PXK: variants seen among roughly 807,000 people sequenced by gnomAD.
The protein encoded by PXK is PX domain containing serine/threonine kinase like.
In PXK, 35 loss-of-function variants were observed where a neutral mutation model predicts 84.7. The ratio of observed to expected loss-of-function variants is 0.41; its 90% CI spans 0.32 to 0.55. The LOEUF (loss-of-function observed/expected upper bound fraction) is 0.55. Ranked by LOEUF, PXK falls within the 20% of genes least tolerant of loss-of-function variation. The pLI, the probability that PXK is intolerant of heterozygous loss-of-function variation, is 0.21. For missense variants in PXK, 634 were observed against 699.7 expected (o/e 0.91, Z 1.06); for synonymous variants, 253 against 260.8 (o/e 0.97, Z 0.29).
chr3:58,370,385 A>G lies in PXK; in HGVS notation c.201+907A>G, dbSNP rs977745906. Reference sequence around the variant, plus strand: ...TTTAGCACCTTAGGAAGTCCTGCCAATACCCGCCATGTCTTCACTTGGCAG... The same window carrying G: ...TTTAGCACCTTAGGAAGTCCTGCCAGTACCCGCCATGTCTTCACTTGGCAG... On this transcript the variant is annotated intron_variant, in intron 3 of 17. Coordinates refer to ENST00000356151, the MANE Select transcript of PXK (RefSeq NM_017771.5). The surrounding 1 kb of genome is among the most constrained non-coding windows in gnomAD (Gnocchi z 4.2). Among the ~76,000 whole-genome samples the G allele has an allele frequency of 4.6e-5, 7 of 152,170 alleles. No homozygotes were observed. The highest frequency in any genetic ancestry group is 3.9e-4 in the East Asian group (2 of 5,192).
Position 58,385,527 on chromosome 3 carries a change from C to T in PXK, c.388+2827C>T, listed in dbSNP as rs1440122254. On this transcript the variant is annotated intron_variant, in intron 4 of 17. Coordinates refer to ENST00000356151, the MANE Select transcript of PXK (RefSeq NM_017771.5). The surrounding 1 kb of genome is among the most constrained non-coding windows in gnomAD (Gnocchi z 5.1). ...CCCTGTTTGTTTTTTGAGCAAGGGT[C>T]TCACTCTGTTGCCCAGGCTGGAGCG... Among the ~76,000 whole-genome samples, 1 of 152,182 alleles carries T rather than the reference C, an allele frequency of 6.6e-6. No individual in the cohort carries two copies. The highest frequency in any genetic ancestry group is 1.5e-5 in the Non-Finnish European group (1 of 68,030).
intron 2 of PXK, among the ~76,000 whole-genome samples, chr3:58,367,496 C>T (rs1182386348): frequency 2.0e-5 from 3 of 152,094 alleles, no homozygotes; most frequent in Admixed American, 1.3e-4. Flanking sequence ...CCGCCTGCCT[C>T]GGCCTCCCAA....
rs1011777425 is a variant in PXK, at chr3:58,397,483, G to A, written c.985-122G>A. ...CAGAAGGCTTTGGAGTTGCATTTAC[G>A]TTACCAATTAGGAACGGGGCTATCC... On this transcript the variant is annotated intron_variant, in intron 10 of 17. Transcript: ENST00000356151. The surrounding 1 kb of genome is among the most constrained non-coding windows in gnomAD (Gnocchi z 4.7). 18 of 906,918 alleles carry A rather than the reference G, an allele frequency of 2.0e-5. No individual in the cohort carries two copies. Among genetic ancestry groups the A allele is most frequent in the Middle Eastern group, 2.8e-4 (1 of 3,544 alleles). 56.2% of individuals were successfully genotyped at this position (906,918 alleles called of 1,614,324 possible).
rs765860309 is a variant in PXK at position 58,385,140 on chromosome 3, A to C, written c.388+2440A>C. ...ATCTCTACTCCCCCTCCCCACCCCC[A>C]GGCCTCCAGCATGGTAGAGAGTCAG... On this transcript the variant is annotated intron_variant, in intron 4 of 17. Transcript: ENST00000356151. The surrounding 1 kb of genome is among the most constrained non-coding windows in gnomAD (Gnocchi z 5.1). Among the ~76,000 whole-genome samples, 2 of 151,976 alleles carry C rather than the reference A, an allele frequency of 1.3e-5. No individual in the cohort carries two copies. The highest frequency in any genetic ancestry group is 1.5e-5 in the Non-Finnish European group (1 of 67,990).
rs528348395 is a variant in PXK at position 58,400,565 on chromosome 3, C to T, written c.1181+1188C>T. Among the ~76,000 whole-genome samples, 1 of 152,194 alleles carries T rather than the reference C, an allele frequency of 6.6e-6. No homozygotes were observed. Among genetic ancestry groups the T allele is most frequent in the Admixed American group, 6.5e-5 (1 of 15,276 alleles). On this transcript the variant is annotated intron_variant, in intron 12 of 17. Transcript: ENST00000356151. The surrounding 1 kb of genome is among the most constrained non-coding windows in gnomAD (Gnocchi z 4.0). ...CCTGCCCCGTGGATGTGACATTCTACTGTTCCACAGACACTGAAGCGTCTG... is the reference window on the plus strand; with the variant it reads ...CCTGCCCCGTGGATGTGACATTCTATTGTTCCACAGACACTGAAGCGTCTG...
At position 58,370,244 on chromosome 3, in the gene PXK, C is replaced by T. The variant is rs985069101; in HGVS notation, c.201+766C>T. Among the ~76,000 whole-genome samples, 7 of 152,084 alleles carry T rather than the reference C, an allele frequency of 4.6e-5. No homozygotes were observed. The highest frequency in any genetic ancestry group is 7.4e-5 in the Non-Finnish European group (5 of 68,026). ...TTATCCTAAATATGTAGTTAGAAAT[C>T]CCTTTGTTTTAAATGTTCCTAACTT... On this transcript the variant is annotated intron_variant, in intron 3 of 17. Transcript: ENST00000356151. This position sits in a 1 kb window ranked among gnomAD's most constrained non-coding sequence, Gnocchi z 4.2.
chr3:58,343,563 G>A (rs1312583376), intron 1 of PXK, among the ~76,000 whole-genome samples: 1 of 152,226 alleles, frequency 6.6e-6, no homozygotes, highest in Non-Finnish European at 1.5e-5. Context: ...GCTGTTGAGG[G>A]TGGACAGGAG....
chr3:58,417,431 C>G (rs1176895537), intron 17 of PXK, among the ~76,000 whole-genome samples: 1 of 152,144 alleles, frequency 6.6e-6, no homozygotes, highest in Non-Finnish European at 1.5e-5. Flanking sequence ...CTTATGAGCC[C>G]TTTCTAGCAA....
rs190310226 is a variant in PXK, at chr3:58,424,567, T to C, written c.1529-185T>C. On this transcript the variant is annotated intron_variant, in intron 17 of 17. Transcript: ENST00000356151. Reference sequence around the variant, plus strand: ...ATTGTTTGAGAAACATGGCAACTTTTAATTCCCCTTTGATGCTTCTAGCTT... The same window carrying C: ...ATTGTTTGAGAAACATGGCAACTTTCAATTCCCCTTTGATGCTTCTAGCTT... Among the ~76,000 whole-genome samples, 8 of 152,342 alleles carry C rather than the reference T, an allele frequency of 5.3e-5. No individual in the cohort carries two copies. In the East Asian group the frequency reaches 1.5e-3, roughly 29 times the overall value.
chr3:58,366,093 T>C (rs1053824628), intron 2 of PXK, among the ~76,000 whole-genome samples, 169 bp downstream of exon 2: 4 of 152,206 alleles, frequency 2.6e-5, no homozygotes, highest in Non-Finnish European at 5.9e-5. Context: ...GATAAGAGTC[T>C]TTCCTGTCCC....
rs1379805123 is a variant in PXK at position 58,370,282 on chromosome 3, G to A, written c.201+804G>A. ...ATGTTCCTAACTTGAGGGCCATAAT[G>A]GGAAGAAGCATGAGCTGGAAGGTCT... is the stretch of plus-strand genomic sequence containing the variant. On this transcript the variant is annotated intron_variant, in intron 3 of 17. Transcript: ENST00000356151. The surrounding 1 kb of genome is among the most constrained non-coding windows in gnomAD (Gnocchi z 4.2). 6.6e-6 allele frequency among the ~76,000 whole-genome samples: 1 copy of A among 152,182 alleles called. No individual in the cohort carries two copies. Among genetic ancestry groups the A allele is most frequent in the Non-Finnish European group, 1.5e-5 (1 of 68,020 alleles).
chr3:58,333,233 C>T lies in PXK; in HGVS notation c.102+143C>T, dbSNP rs2097527313. ...GCGGCCCTGGCCGAGAAGGCTGTGGCGCGCCGCTGGGTCTGGGTCAGGGCC... is the reference window on the plus strand; with the variant it reads ...GCGGCCCTGGCCGAGAAGGCTGTGGTGCGCCGCTGGGTCTGGGTCAGGGCC... On this transcript the variant is annotated intron_variant, in intron 1 of 17. Transcript: ENST00000356151. This position sits in a 1 kb window ranked among gnomAD's most constrained non-coding sequence, Gnocchi z 5.4. 2.6e-6 allele frequency: 1 copy of T among 389,896 alleles called. No individual in the cohort carries two copies. The highest frequency in any genetic ancestry group is 6.1e-5 in the Admixed American group (1 of 16,314). The allele number at this position is 389,896 out of a possible 1,614,324, so 24.2% of individuals were successfully genotyped here.
intron 1 of PXK, among the ~76,000 whole-genome samples, chr3:58,355,572 G>A (rs914368476): frequency 1.3e-5 from 2 of 152,238 alleles, no homozygotes; most frequent in Admixed American, 1.3e-4. Context: ...TCACCAAACC[G>A]AGGTACCTTT....
chr3:58,422,602 C>T (rs1305360210), intron 17 of PXK: 1 of 985,254 alleles, frequency 1.0e-6, no homozygotes, highest in Non-Finnish European at 1.2e-6. Flanking sequence ...GTACTGAACC[C>T]CACCCTCAAC....
intron 3 of PXK, among the ~76,000 whole-genome samples, chr3:58,376,972 CAAA>C (rs2108661207): frequency 6.6e-6 from 1 of 152,122 alleles, no homozygotes; most frequent in South Asian, 2.1e-4. Context: ...GTCCTTGAAC[CAAA>C]AAATAAAGTG....
In PXK at chr3:58,425,956, T is replaced by C. The variant is rs2062756285; in HGVS notation, c.*996T>C. 6.6e-6 allele frequency: 1 copy of C among 152,260 alleles called. No individual in the cohort carries two copies. The highest frequency in any genetic ancestry group is 1.5e-5 in the Non-Finnish European group (1 of 68,054). 9.4% of individuals were successfully genotyped at this position (152,260 alleles called of 1,614,324 possible). On this transcript the variant is annotated 3_prime_UTR_variant, in exon 18 of 18. Transcript: ENST00000356151. ...AGTGTTGGTTACTATGCAGAGAATG[T>C]CATTGTGTATAGTTTCATGTAATCT...
At chr3:58,381,571 A>AAG (rs1553779583) in intron 3 of PXK, among the ~76,000 whole-genome samples, 1 of 151,502 alleles carries the variant, frequency 6.6e-6, no homozygotes, top group Non-Finnish European at 1.5e-5. Flanking sequence ...AAAAAAAAAA[A>AAG]AAGACTACAA....
At position 58,333,349 on chromosome 3, in the gene PXK, A is replaced by C; in HGVS notation, c.102+259A>C. 1 of 298,972 alleles carries C rather than the reference A, an allele frequency of 3.3e-6. No homozygotes were observed. Among genetic ancestry groups the C allele is most frequent in the East Asian group, 8.6e-5 (1 of 11,600 alleles). The allele number at this position is 298,972 out of a possible 1,614,324, so 18.5% of individuals were successfully genotyped here. On this transcript the variant is annotated intron_variant, in intron 1 of 17. Transcript: ENST00000356151. This position sits in a 1 kb window ranked among gnomAD's most constrained non-coding sequence, Gnocchi z 5.4. The stretch of plus-strand genomic sequence containing the variant: ...GCGGGGTGGAAGGAGCTCGGCGGCG[A>C]CCAGGAAAGCGACTCCGAGTTGGGG...
chr3:58,368,921 G>A (rs2098322653), intron 2 of PXK, among the ~76,000 whole-genome samples: 1 of 152,192 alleles, frequency 6.6e-6, no homozygotes, highest in Non-Finnish European at 1.5e-5. Context: ...TCAAGAGGGG[G>A]AACCCTGGGG....
Sources: allele counts gnomAD v4.1 joint callset (sites outside exome capture counted in the v4.1 genomes callset), GRCh38; gene constraint gnomAD v4.1.1; non-coding constraint Gnocchi (gnomAD v3.1); transcripts MANE v1.5; gene names NCBI Gene and HGNC (gene_info 2026-07-23, HGNC 2026-07-21).